Variants in KCTD8 observed in about 807,000 individuals in gnomAD.
The protein encoded by KCTD8 is BTB/POZ domain-containing protein KCTD8.
In KCTD8, 27 loss-of-function variants were observed where a neutral mutation model predicts 31.5. The ratio of observed to expected loss-of-function variants is 0.86; its 90% CI spans 0.63 to 1.18. The LOEUF is 1.18. Among genes scored for constraint, KCTD8 ranks in the 50% most tolerant of loss-of-function variants. The probability of loss-of-function intolerance (pLI) is 0.00; values close to 1 mark genes in which losing one functional copy is unlikely to be tolerated. For synonymous variants in KCTD8, 290 were observed against 280.0 expected (o/e 1.04, Z -0.36); for missense variants, 658 against 647.7 (o/e 1.02, Z -0.17).
chr4:44,402,419 T>C (rs1345163549), intron 1 of KCTD8, among the ~76,000 whole-genome samples: 1 of 152,160 alleles, frequency 6.6e-6, no homozygotes, highest in Admixed American at 6.6e-5. Context: ...GAAATTGTCA[T>C]TAGGCATTTA....
intron 1 of KCTD8, among the ~76,000 whole-genome samples, chr4:44,398,600 A>G (rs1293435417): frequency 2.0e-5 from 3 of 152,172 alleles, no homozygotes; most frequent in Non-Finnish European, 4.4e-5. Flanking sequence ...CTATCATTTT[A>G]GGTCACTTAG....
intron 1 of KCTD8, among the ~76,000 whole-genome samples, chr4:44,366,132 C>A (rs77245906): frequency 0.078 from 11,859 of 152,010 alleles, 493 homozygotes; most frequent in South Asian, 0.11. Flanking sequence ...TACTTTTGTA[C>A]TTTACTTCTT....
intron 1 of KCTD8, among the ~76,000 whole-genome samples, chr4:44,446,624 C>A (rs534403509): frequency 6.0e-4 from 91 of 152,162 alleles, no homozygotes; most frequent in Non-Finnish European, 1.2e-3. Flanking sequence ...AAGCGCACTG[C>A]AAAACGCACC....
intron 1 of KCTD8, among the ~76,000 whole-genome samples, chr4:44,337,555 T>C (rs1410311010): frequency 6.6e-6 from 1 of 151,686 alleles, no homozygotes; most frequent in African/African-American, 2.4e-5. Context: ...GTACCTGTAG[T>C]CCCAGCTACT....
chr4:44,326,473 C>T (rs962282662), intron 1 of KCTD8, among the ~76,000 whole-genome samples: 1 of 151,850 alleles, frequency 6.6e-6, no homozygotes, highest in African/African-American at 2.4e-5. Flanking sequence ...AGATCTACTC[C>T]TGTATATTTT....
intron 1 of KCTD8, among the ~76,000 whole-genome samples, chr4:44,345,832 C>G (rs779482048): frequency 1.8e-4 from 27 of 151,778 alleles, no homozygotes; most frequent in Admixed American, 9.9e-4. Flanking sequence ...GGGGAGAATA[C>G]AGGTATGTGT....
chr4:44,297,248 TTAGAA>T (rs1458988368), intron 1 of KCTD8, among the ~76,000 whole-genome samples: 3 of 152,128 alleles, frequency 2.0e-5, no homozygotes, highest in Non-Finnish European at 4.4e-5. Context: ...TCAAAACAGA[TTAGAA>T]TAGCATTGCC....
chr4:44,444,906 T>A (rs763047479), intron 1 of KCTD8, among the ~76,000 whole-genome samples: 1 of 152,082 alleles, frequency 6.6e-6, no homozygotes. Context: ...CTGATACTTG[T>A]TATACACTAA....
chr4:44,407,856 C>T (rs1434634859), intron 1 of KCTD8, among the ~76,000 whole-genome samples: 1 of 152,084 alleles, frequency 6.6e-6, no homozygotes, highest in Non-Finnish European at 1.5e-5. Flanking sequence ...CCATTATAAT[C>T]GGAATAGTTT....
chr4:44,233,360 C>T lies in KCTD8; in HGVS notation c.962-58110G>A, dbSNP rs539334181. On this transcript the variant is annotated intron_variant, in intron 1 of 1. Transcript: ENST00000360029. ...CTCTCACTTCAATTTAGAGCGTTTC[C>T]GTTTCTGTGAATCTAATAATCACAA... is the stretch of plus-strand genomic sequence containing the variant. Among the ~76,000 whole-genome samples, 9 of 152,186 alleles carry T rather than the reference C, an allele frequency of 5.9e-5. No homozygotes were observed. In the South Asian group the frequency reaches 6.2e-4, roughly 11 times the overall value.
intron 1 of KCTD8, among the ~76,000 whole-genome samples, chr4:44,206,957 T>C (rs1419427702): frequency 6.6e-6 from 1 of 152,208 alleles, no homozygotes. Context: ...AAAATGAACA[T>C]TTACTATTTG....
At chr4:44,212,959 A>G (rs769787158) in intron 1 of KCTD8, among the ~76,000 whole-genome samples, 4 of 151,594 alleles carry the variant, frequency 2.6e-5, no homozygotes, top group Non-Finnish European at 5.9e-5. Flanking sequence ...TGTTTTTGAG[A>G]TGGAGTCTCG....
intron 1 of KCTD8, among the ~76,000 whole-genome samples, chr4:44,428,339 G>A (rs2109475600): frequency 6.6e-6 from 1 of 151,704 alleles, no homozygotes; most frequent in Admixed American, 6.6e-5. Flanking sequence ...GACCTCTATA[G>A]AAAACAATTT....
chr4:44,439,405 T>C (rs1477803156), intron 1 of KCTD8, among the ~76,000 whole-genome samples: 2 of 152,180 alleles, frequency 1.3e-5, no homozygotes, highest in Non-Finnish European at 2.9e-5. Flanking sequence ...GAAATAATAT[T>C]CCAAGTTAAC....
intron 1 of KCTD8, among the ~76,000 whole-genome samples, chr4:44,355,689 C>T (rs1719324171): frequency 6.6e-6 from 1 of 152,048 alleles, no homozygotes; most frequent in Admixed American, 6.5e-5. Context: ...TTTAGATAAA[C>T]AGAATAAATT....
At chr4:44,445,807 T>C (rs1181723356) in intron 1 of KCTD8, among the ~76,000 whole-genome samples, 2 of 152,198 alleles carry the variant, frequency 1.3e-5, no homozygotes, top group African/African-American at 4.8e-5. Context: ...TTTGGAAATC[T>C]ACATTGAAAT....
At chr4:44,439,924 A>C (rs1023047817) in intron 1 of KCTD8, among the ~76,000 whole-genome samples, 1 of 149,940 alleles carries the variant, frequency 6.7e-6, no homozygotes, top group African/African-American at 2.4e-5. Flanking sequence ...TTATTTATTT[A>C]TTTATTTATT....
At chr4:44,380,113 C>A (rs999691192) in intron 1 of KCTD8, among the ~76,000 whole-genome samples, 3 of 151,848 alleles carry the variant, frequency 2.0e-5, no homozygotes, top group Non-Finnish European at 2.9e-5. Flanking sequence ...TACAACTTAT[C>A]TATAATTGTG....
At chr4:44,305,183 G>T (rs950259592) in intron 1 of KCTD8, among the ~76,000 whole-genome samples, 3 of 151,160 alleles carry the variant, frequency 2.0e-5, no homozygotes, top group East Asian at 1.9e-4. Context: ...TAGGAAAAAA[G>T]AATTAAAAAA....
Sources: allele counts gnomAD v4.1 joint callset (sites outside exome capture counted in the v4.1 genomes callset), GRCh38; gene constraint gnomAD v4.1.1; transcripts MANE v1.5; gene names NCBI Gene and HGNC (gene_info 2026-07-23, HGNC 2026-07-21).